The following LRP1B variants were observed in gnomAD, a reference collection of about 807,000 sequenced individuals.
LRP1B encodes the protein LDL receptor related protein 1B, also known as low-density lipoprotein receptor-related protein 1B.
A neutral mutation model predicts 556.6 loss-of-function variants in LRP1B; 217 were observed. The ratio of observed to expected loss-of-function variants is 0.39; its 90% CI spans 0.35 to 0.44. LRP1B has a LOEUF of 0.44. Ranked by LOEUF, LRP1B falls within the 20% of genes least tolerant of loss-of-function variation. The probability of loss-of-function intolerance (pLI) is 1.00; values close to 1 mark genes in which losing one functional copy is unlikely to be tolerated. For synonymous variants in LRP1B, 2,047 were observed against 1,865.8 expected (o/e 1.10, Z -2.50); for missense variants, 5,053 against 5,620.8 (o/e 0.90, Z 3.23).
chr2:140,383,902 GGGCACTGT>G (rs1224620132), intron 67 of LRP1B, among the ~76,000 whole-genome samples: 1 of 152,078 alleles, frequency 6.6e-6, no homozygotes, highest in Non-Finnish European at 1.5e-5. Context: ...TTTTTCTTAA[GGGCACTGT>G]GGCTACAGTG....
At chr2:141,690,775 A>AAATACAC (rs1691500349) in intron 2 of LRP1B, among the ~76,000 whole-genome samples, 1 of 151,756 alleles carries the variant, frequency 6.6e-6, no homozygotes, top group Non-Finnish European at 1.5e-5. Context: ...AATTAAGAAT[A>AAATACAC]AATACACCCT....
At chr2:141,663,751 C>A (rs1413458898) in intron 2 of LRP1B, among the ~76,000 whole-genome samples, 4 of 151,992 alleles carry the variant, frequency 2.6e-5, no homozygotes, top group Admixed American at 1.3e-4. Context: ...ATGAATTCTA[C>A]CAGAGGTACA....
At chr2:141,975,902 C>T (rs1375013803) in intron 1 of LRP1B, among the ~76,000 whole-genome samples, 4 of 152,034 alleles carry the variant, frequency 2.6e-5, no homozygotes, top group Non-Finnish European at 5.9e-5. Context: ...GGATATAATG[C>T]AATCAATATT....
At chr2:141,801,184 G>A (rs1337228922) in intron 2 of LRP1B, among the ~76,000 whole-genome samples, 1 of 152,018 alleles carries the variant, frequency 6.6e-6, no homozygotes, top group Non-Finnish European at 1.5e-5. Context: ...TTAATTATAT[G>A]CATGTTTGGA....
intron 22 of LRP1B, among the ~76,000 whole-genome samples, chr2:140,904,753 C>T (rs577610854): frequency 1.3e-5 from 2 of 152,200 alleles, no homozygotes; most frequent in East Asian, 3.9e-4. Flanking sequence ...CTTAAAACAG[C>T]AGTCATTTCA....
At chr2:141,266,231 G>A (rs2105360090) in intron 3 of LRP1B, among the ~76,000 whole-genome samples, 1 of 149,818 alleles carries the variant, frequency 6.7e-6, no homozygotes, top group South Asian at 2.1e-4. Context: ...GGCTGAGACA[G>A]AAGAATGGCG....
At chr2:141,092,574 T>C (rs1007005147) in intron 7 of LRP1B, among the ~76,000 whole-genome samples, 2 of 152,158 alleles carry the variant, frequency 1.3e-5, no homozygotes, top group African/African-American at 4.8e-5. Context: ...TAAAGATGAA[T>C]AGTAGACAGA....
intron 1 of LRP1B, among the ~76,000 whole-genome samples, chr2:141,990,822 A>G (rs1702324028): frequency 6.6e-6 from 1 of 152,016 alleles, no homozygotes; most frequent in African/African-American, 2.4e-5. Context: ...AGACTCACAT[A>G]ATATTTAACC....
At chr2:141,738,371 A>T (rs1316380320) in intron 2 of LRP1B, among the ~76,000 whole-genome samples, 1 of 152,156 alleles carries the variant, frequency 6.6e-6, no homozygotes, top group Non-Finnish European at 1.5e-5. Context: ...AGACACACAC[A>T]TACACAATGC....
chr2:140,249,080 G>A (rs557256345), intron 86 of LRP1B, among the ~76,000 whole-genome samples: 1 of 151,520 alleles, frequency 6.6e-6, no homozygotes, highest in South Asian at 2.1e-4. Context: ...TCTTAGATAA[G>A]TGACCCAAGG....
chr2:141,723,887 A>G (rs1692933550), intron 2 of LRP1B, among the ~76,000 whole-genome samples: 1 of 151,854 alleles, frequency 6.6e-6, no homozygotes, highest in African/African-American at 2.4e-5. Context: ...TTCTTACTCA[A>G]TCCACTTAAA....
At chr2:141,267,623 T>A (rs2105362782) in intron 3 of LRP1B, among the ~76,000 whole-genome samples, 1 of 152,260 alleles carries the variant, frequency 6.6e-6, no homozygotes, top group East Asian at 1.9e-4. Flanking sequence ...ATTCAATGTA[T>A]TTAGTTGCTA....
chr2:140,804,648 AATTTTTTTTT>A (rs1448672489), intron 32 of LRP1B, among the ~76,000 whole-genome samples: 2 of 103,892 alleles, frequency 1.9e-5, no homozygotes, highest in Non-Finnish European at 3.8e-5. Context: ...GGTAAAAACT[AATTTTTTTTT>A]TTTTTTTTTT....
At chr2:140,316,610 T>A (rs1161645918) in intron 82 of LRP1B, among the ~76,000 whole-genome samples, 2 of 151,712 alleles carry the variant, frequency 1.3e-5, no homozygotes, top group Non-Finnish European at 2.9e-5. Context: ...GTGTAGGTCC[T>A]GGTTCTGCCG....
chr2:141,912,318 A>C (rs2104954872), intron 1 of LRP1B, among the ~76,000 whole-genome samples: 1 of 152,278 alleles, frequency 6.6e-6, no homozygotes, highest in East Asian at 1.9e-4. Flanking sequence ...ACCAAAGTAG[A>C]TACTAATATC....
At chr2:140,968,513 T>TGTG (rs35163884) in intron 18 of LRP1B, among the ~76,000 whole-genome samples, 2 of 150,274 alleles carry the variant, frequency 1.3e-5, no homozygotes, top group South Asian at 4.2e-4. Context: ...GTTTTTTTTT[T>TGTG]TGTGTCTCTA....
intron 1 of LRP1B, among the ~76,000 whole-genome samples, chr2:141,977,391 G>T (rs990943391): frequency 6.6e-6 from 1 of 152,042 alleles, no homozygotes; most frequent in Non-Finnish European, 1.5e-5. Context: ...GGCCAGCATG[G>T]TGAATCCCTG....
intron 3 of LRP1B, among the ~76,000 whole-genome samples, chr2:141,294,417 T>G (rs912482370): frequency 6.6e-6 from 1 of 151,602 alleles, no homozygotes; most frequent in African/African-American, 2.4e-5. Flanking sequence ...CTTAAGTAAC[T>G]AAACTATTAT....
At chr2:140,806,712 T>A (rs1690729331) in intron 32 of LRP1B, among the ~76,000 whole-genome samples, 1 of 152,210 alleles carries the variant, frequency 6.6e-6, no homozygotes, top group Non-Finnish European at 1.5e-5. Context: ...TTTCCTTAAA[T>A]ATTATTCATA....
Sources: allele counts gnomAD v4.1 joint callset (sites outside exome capture counted in the v4.1 genomes callset), GRCh38; gene constraint gnomAD v4.1.1; transcripts MANE v1.5; gene names NCBI Gene and HGNC (gene_info 2026-07-23, HGNC 2026-07-21).